Variants in XRRA1 observed in about 807,000 individuals in gnomAD.
XRRA1 encodes the protein X-ray radiation resistance-associated protein 1.
In XRRA1, 69 loss-of-function variants were observed where a neutral mutation model predicts 80.2. The ratio of observed to expected loss-of-function variants is 0.86; its 90% CI spans 0.71 to 1.05. The LOEUF (loss-of-function observed/expected upper bound fraction) is 1.05, where lower values mean the gene tolerates loss of function less well. Among genes scored for constraint, XRRA1 ranks in the 50% least tolerant of loss-of-function variants. The probability of loss-of-function intolerance (pLI) is 0.00; values close to 1 mark genes in which losing one functional copy is unlikely to be tolerated. For synonymous variants in XRRA1, 348 were observed against 389.9 expected (o/e 0.89, Z 1.27); for missense variants, 967 against 976.4 (o/e 0.99, Z 0.13).
intron 9 of XRRA1, chr11:74,906,900 C>T (rs2054720272): frequency 6.1e-6 from 3 of 489,552 alleles, no homozygotes; most frequent in East Asian, 7.0e-5. Flanking sequence ...AAATCTCCTC[C>T]TGTTTTCCTT....
chr11:74,899,515 T>C (rs1006766714), intron 10 of XRRA1, among the ~76,000 whole-genome samples: 3 of 152,054 alleles, frequency 2.0e-5, no homozygotes, highest in Non-Finnish European at 4.4e-5. Context: ...AACCTTTAGT[T>C]AGGCTAAGAA....
At chr11:74,922,757 TA>T (rs1207628207) in intron 7 of XRRA1, among the ~76,000 whole-genome samples, 2 of 152,252 alleles carry the variant, frequency 1.3e-5, no homozygotes, top group Non-Finnish European at 2.9e-5. Context: ...CCTGGGTGTT[TA>T]AGTCCTGACT....
At chr11:74,917,169 G>A (rs1247262130) in intron 8 of XRRA1, among the ~76,000 whole-genome samples, 1 of 152,182 alleles carries the variant, frequency 6.6e-6, no homozygotes, top group Non-Finnish European at 1.5e-5. Flanking sequence ...AGTGATCACA[G>A]CACAAATCTC....
intron 7 of XRRA1, among the ~76,000 whole-genome samples, chr11:74,922,343 C>T (rs1941094737): frequency 6.6e-6 from 1 of 151,952 alleles, no homozygotes; most frequent in Non-Finnish European, 1.5e-5. Context: ...TGTCAACCAC[C>T]TTCTAACTGG....
intron 12 of XRRA1, among the ~76,000 whole-genome samples, chr11:74,852,985 G>C (rs568644459): frequency 6.6e-6 from 1 of 152,192 alleles, no homozygotes; most frequent in South Asian, 2.1e-4. Context: ...TTACTGGATA[G>C]CACTAGATTT....
chr11:74,923,752 T>C (rs1324907956), intron 7 of XRRA1, among the ~76,000 whole-genome samples: 4 of 152,248 alleles, frequency 2.6e-5, no homozygotes, highest in Non-Finnish European at 5.9e-5. Context: ...TCTCAGTCTC[T>C]ATTCCAGCCA....
intron 8 of XRRA1, 25 bp downstream of exon 8, chr11:74,921,189 A>G (rs371614043): frequency 2.8e-5 from 45 of 1,610,368 alleles, no homozygotes; most frequent in Non-Finnish European, 6.8e-6. Flanking sequence ...AAAACACAGA[A>G]TGGACTCCAG....
intron 10 of XRRA1, among the ~76,000 whole-genome samples, chr11:74,898,845 A>T (rs1246751377): frequency 6.6e-6 from 1 of 152,132 alleles, no homozygotes; most frequent in Non-Finnish European, 1.5e-5. Flanking sequence ...CATTGGACAG[A>T]TCTCCCAGAC....
In XRRA1 at chr11:74,907,192, G is replaced by A; in HGVS notation, c.738C>T (p.Asn246=). ...CAAAGCAACTGGGGTTGGAGAGTCT[G>A]TTGTCATCCAGCATCAGTGTCTCCA... ...PALETLMLDD[N]RLSNPSCFAS... Residue 246 remains asparagine (N), a synonymous_variant, in exon 9 of 19, where the codon AAC becomes AAT. Coordinates refer to ENST00000684022, the MANE Select transcript of XRRA1 (RefSeq NM_001378157.1). 6.2e-7 allele frequency: 1 copy of A among 1,614,008 alleles called. No individual in the cohort carries two copies. The highest frequency in any genetic ancestry group is 2.2e-5 in the East Asian group (1 of 44,880).
chr11:74,920,810 G>A (rs973298729), intron 8 of XRRA1, among the ~76,000 whole-genome samples: 1 of 152,232 alleles, frequency 6.6e-6, no homozygotes, highest in African/African-American at 2.4e-5. Context: ...CACATTGTAA[G>A]TACTACATAT....
At chr11:74,944,250 C>T (rs1353069660) in intron 2 of XRRA1, among the ~76,000 whole-genome samples, 1 of 152,164 alleles carries the variant, frequency 6.6e-6, no homozygotes, top group Non-Finnish European at 1.5e-5. Context: ...TGTCTCTCTT[C>T]CACCATTGGG....
chr11:74,855,004 C>T (rs1442512034), intron 12 of XRRA1, among the ~76,000 whole-genome samples: 1 of 151,900 alleles, frequency 6.6e-6, no homozygotes, highest in Non-Finnish European at 1.5e-5. Context: ...GAGCCAAGAT[C>T]ATGCCACTGC....
chr11:74,844,317 T>G (rs2037399978), intron 16 of XRRA1, 34 bp from the exon 17 acceptor site: 1 of 1,520,264 alleles, frequency 6.6e-7, no homozygotes, highest in African/African-American at 1.4e-5. Context: ...GTCAAGGCAC[T>G]TCCCCCTCCT....
rs576892887 is a variant in XRRA1 at position 74,929,297 on chromosome 11, T to C, written c.424+1003A>G. 1.7e-3 allele frequency among the ~76,000 whole-genome samples: 259 copies of C among 152,126 alleles called. 1 individual carries two copies. Among genetic ancestry groups the C allele is most frequent in the African/African-American group, 6.0e-3 (250 of 41,500 alleles). On this transcript the variant is annotated intron_variant, in intron 6 of 18. Coordinates refer to ENST00000684022, the MANE Select transcript of XRRA1 (RefSeq NM_001378157.1). ...CTCCTCCTAAATCTCTGTCTGTCTC[T>C]CTCTCTCTCAATCCTCTGCACCCTT...
intron 4 of XRRA1, 69 bp downstream of exon 4, chr11:74,936,815 C>A: frequency 6.6e-7 from 1 of 1,508,436 alleles, no homozygotes; most frequent in Non-Finnish European, 8.9e-7. Flanking sequence ...CAGAGCAGGG[C>A]AAATCCTTCC....
At chr11:74,853,730 C>T (rs1261505870) in intron 12 of XRRA1, among the ~76,000 whole-genome samples, 1 of 152,166 alleles carries the variant, frequency 6.6e-6, no homozygotes, top group Non-Finnish European at 1.5e-5. Flanking sequence ...GCTAGTCTTA[C>T]TTTAATGCAG....
At chr11:74,932,772 T>C (rs1052741815) in intron 5 of XRRA1, among the ~76,000 whole-genome samples, 1 of 152,176 alleles carries the variant, frequency 6.6e-6, no homozygotes, top group Admixed American at 6.5e-5. Flanking sequence ...ACAAGATGAA[T>C]ATATTTCTAA....
intron 10 of XRRA1, among the ~76,000 whole-genome samples, chr11:74,897,121 G>C (rs763098404): frequency 6.6e-6 from 1 of 151,864 alleles, no homozygotes; most frequent in Non-Finnish European, 1.5e-5. Flanking sequence ...AGAAATTCAA[G>C]ATAACACAAA....
intron 7 of XRRA1, among the ~76,000 whole-genome samples, chr11:74,923,289 A>G (rs1941379540): frequency 6.6e-6 from 1 of 152,162 alleles, no homozygotes; most frequent in Non-Finnish European, 1.5e-5. Flanking sequence ...TGGCATAAGA[A>G]ATGGCTTGAT....
Sources: allele counts gnomAD v4.1 joint callset (sites outside exome capture counted in the v4.1 genomes callset), GRCh38; gene constraint gnomAD v4.1.1; transcripts MANE v1.5; gene names NCBI Gene and HGNC (gene_info 2026-07-23, HGNC 2026-07-21).